Variants in IMPG1 observed in about 807,000 individuals in gnomAD.
The protein encoded by IMPG1 is interphotoreceptor matrix proteoglycan of 150 kDa.
Under a neutral mutation model 92.0 loss-of-function variants are expected in IMPG1, and 85 were observed. The observed-to-expected ratio is 0.92, with a 90% CI of 0.78 to 1.11. IMPG1 has a LOEUF of 1.11. Ranked by LOEUF, IMPG1 falls within the 50% of genes least tolerant of loss-of-function variation. IMPG1 has a pLI of 0.00. For missense variants in IMPG1, 1,022 were observed against 956.0 expected (o/e 1.07, Z -0.91); for synonymous variants, 367 against 334.1 (o/e 1.10, Z -1.08).
intron 12 of IMPG1, among the ~76,000 whole-genome samples, chr6:75,996,899 C>T (rs1056523624): frequency 1.3e-5 from 2 of 152,032 alleles, no homozygotes; most frequent in African/African-American, 2.4e-5. Context: ...GAGTGAAAGA[C>T]GGGAACAGAT....
chr6:76,002,838 G>A (rs1783020115), intron 12 of IMPG1, 80 bp downstream of exon 12: 1 of 1,092,894 alleles, frequency 9.2e-7, no homozygotes, highest in Admixed American at 1.8e-5. Flanking sequence ...CTTTGTCACT[G>A]GTCTTTGAGG....
intron 12 of IMPG1, among the ~76,000 whole-genome samples, chr6:75,989,115 G>T (rs887564978): frequency 6.6e-6 from 1 of 151,984 alleles, no homozygotes; most frequent in African/African-American, 2.4e-5. Context: ...TAGAAACAAG[G>T]TCTCACACTG....
intron 1 of IMPG1, among the ~76,000 whole-genome samples, chr6:76,070,781 A>T (rs1462827108): frequency 6.6e-6 from 1 of 152,102 alleles, no homozygotes; most frequent in Non-Finnish European, 1.5e-5. Context: ...CAAGAAAGAC[A>T]TAGAGAGTGG....
At chr6:76,025,159 A>T in intron 5 of IMPG1, 35 bp downstream of exon 5, 6 of 1,272,352 alleles carry the variant, frequency 4.7e-6, no homozygotes, top group Non-Finnish European at 6.8e-6. Flanking sequence ...ATTTGAATGA[A>T]AGTTGAGAAG....
At chr6:76,061,434 C>T (rs900978852) in intron 1 of IMPG1, among the ~76,000 whole-genome samples, 1 of 152,108 alleles carries the variant, frequency 6.6e-6, no homozygotes, top group Non-Finnish European at 1.5e-5. Flanking sequence ...CAGGTATGTT[C>T]TCTGTTAATG....
intron 12 of IMPG1, among the ~76,000 whole-genome samples, chr6:75,987,131 C>T (rs1168840720): frequency 6.6e-6 from 1 of 151,966 alleles, no homozygotes; most frequent in South Asian, 2.1e-4. Flanking sequence ...GTTTCCTTGG[C>T]GAGGCCTAAA....
chr6:75,941,930 A>G (rs1244602743), intron 14 of IMPG1, among the ~76,000 whole-genome samples: 1 of 152,094 alleles, frequency 6.6e-6, no homozygotes, highest in African/African-American at 2.4e-5. Context: ...GGGTTAGGGG[A>G]GGCAGGAGTG....
At chr6:76,019,807 T>C (rs1472856790) in intron 6 of IMPG1, among the ~76,000 whole-genome samples, 1 of 152,184 alleles carries the variant, frequency 6.6e-6, no homozygotes, top group Non-Finnish European at 1.5e-5. Context: ...AATTGGAAGT[T>C]TCATGGAACA....
intron 12 of IMPG1, among the ~76,000 whole-genome samples, chr6:75,958,688 C>G (rs1266905457): frequency 2.0e-5 from 3 of 151,994 alleles, no homozygotes; most frequent in Admixed American, 6.6e-5. Flanking sequence ...ATGTGTATGC[C>G]TCACGAAGTT....
chr6:76,057,843 C>T (rs1784145589), intron 1 of IMPG1, among the ~76,000 whole-genome samples: 1 of 152,044 alleles, frequency 6.6e-6, no homozygotes, highest in Non-Finnish European at 1.5e-5. Flanking sequence ...TTTAATATAA[C>T]ATTGTGTCAT....
chr6:76,041,921 G>A lies in IMPG1; in HGVS notation c.273C>T (p.Asp91=). 1.2e-6 allele frequency: 2 copies of A among 1,612,522 alleles called. No individual in the cohort carries two copies. Among genetic ancestry groups the A allele is most frequent in the South Asian group, 1.1e-5 (1 of 91,042 alleles). The part of the protein sequence containing the change: ...CPQESMKQIL[D]SLQAYYRLRV... ...TCAATCTATAATAAGCTTGAAGACT[G>A]TCTAAAATCTGTTTCATGGATTCCT... Residue 91 remains aspartate (D), a synonymous_variant, in exon 2 of 17, where the codon GAC becomes GAT. Transcript: ENST00000369950.
At chr6:75,940,998 T>C (rs1401644402) in intron 14 of IMPG1, among the ~76,000 whole-genome samples, 1 of 152,238 alleles carries the variant, frequency 6.6e-6, no homozygotes, top group Admixed American at 6.5e-5. Flanking sequence ...CTCTCCTCAT[T>C]ACTTCATAAG....
At chr6:76,056,969 AAAGG>A (rs1784130102) in intron 1 of IMPG1, among the ~76,000 whole-genome samples, 1 of 152,212 alleles carries the variant, frequency 6.6e-6, no homozygotes, top group African/African-American at 2.4e-5. Flanking sequence ...GCAGCCATAA[AAAGG>A]AACAAAATCA....
In IMPG1 at chr6:76,002,910, A is replaced by G; in HGVS notation, c.1291+8T>C. 1 of 1,607,974 alleles carries G rather than the reference A, an allele frequency of 6.2e-7. No individual in the cohort carries two copies. Among genetic ancestry groups the G allele is most frequent in the Non-Finnish European group, 8.5e-7 (1 of 1,174,558 alleles). ...CATCTAACATAGACTTTGTGAGGGG[A>G]AACTTACCAGGTAGACCATGCTCTG... On this transcript the variant is annotated splice_region_variant and intron_variant, in intron 12 of 16. Coordinates refer to ENST00000369950, the MANE Select transcript of IMPG1 (RefSeq NM_001563.4).
intron 1 of IMPG1, among the ~76,000 whole-genome samples, chr6:76,062,696 C>T (rs960587073): frequency 6.6e-6 from 1 of 152,160 alleles, no homozygotes; most frequent in African/African-American, 2.4e-5. Flanking sequence ...TATGTAAATA[C>T]ACTCATGGTG....
intron 4 of IMPG1, among the ~76,000 whole-genome samples, chr6:76,028,567 C>T (rs188350209): frequency 2.0e-5 from 3 of 152,220 alleles, no homozygotes; most frequent in Admixed American, 6.5e-5. Flanking sequence ...CGGTGGCTCA[C>T]GCCTGTAATC....
chr6:75,957,252 G>T (rs529666501), intron 12 of IMPG1, among the ~76,000 whole-genome samples: 36 of 152,296 alleles, frequency 2.4e-4, no homozygotes, highest in Admixed American at 2.0e-3. Context: ...GTTCTAAGTT[G>T]ATTGCATTGT....
chr6:75,958,423 T>C (rs1782163632), intron 12 of IMPG1, among the ~76,000 whole-genome samples: 2 of 152,326 alleles, frequency 1.3e-5, no homozygotes, highest in African/African-American at 4.8e-5. Flanking sequence ...TGAATTCAAA[T>C]GTTGACCTGT....
intron 12 of IMPG1, among the ~76,000 whole-genome samples, chr6:75,953,765 C>G (rs775834954): frequency 2.0e-5 from 3 of 151,894 alleles, no homozygotes; most frequent in Non-Finnish European, 2.9e-5. Flanking sequence ...CTCCCCTAAT[C>G]CCCCACCCCA....
Sources: gnomAD v4.1 joint callset for allele counts (sites outside exome capture counted in the v4.1 genomes callset) on GRCh38, gnomAD v4.1.1 for gene constraint, MANE v1.5 for transcripts, NCBI Gene and HGNC (gene_info 2026-07-23, HGNC 2026-07-21) for gene names.